The following SLFN12L variants were observed in gnomAD, a reference collection of about 807,000 sequenced individuals.
The protein encoded by SLFN12L is schlafen family member 12-like.
SLFN12L carries 34 observed loss-of-function variants against 34.8 expected under a neutral mutation model. That is an observed-to-expected ratio of 0.98 (90% CI 0.74 to 1.30). The LOEUF is 1.30. SLFN12L is among the 50% of genes most tolerant of loss of function. The pLI is 0.00. For missense variants in SLFN12L, 703 were observed against 696.2 expected, an observed-to-expected ratio of 1.01 and a Z score of -0.11; for synonymous variants, 259 against 247.5, an observed-to-expected ratio of 1.05 and a Z score of -0.44.
rs1202825881 is a variant in SLFN12L, at chr17:35,473,291, C to A, written c.*1632G>T. ...AGTATGATATTGGCTGTGGGTTTGT[C>A]ATGAATAGCTCTTATTGTTTTGAGA... On this transcript the variant is annotated 3_prime_UTR_variant, in exon 5 of 5. Transcript: ENST00000628453. Among the ~76,000 whole-genome samples the A allele has an allele frequency of 6.6e-6, 1 of 152,142 alleles. No homozygotes were observed. Among genetic ancestry groups the A allele is most frequent in the Non-Finnish European group, 1.5e-5 (1 of 68,028 alleles).
At chr17:35,525,623 G>A (rs2072326153) in intron 1 of SLFN12L, among the ~76,000 whole-genome samples, 1 of 152,180 alleles carries the variant, frequency 6.6e-6, no homozygotes, top group East Asian at 1.9e-4. Flanking sequence ...TTTCACAAGT[G>A]AAGGAGAAAT....
intron 2 of SLFN12L, chr17:35,514,718 C>A (rs12450474): frequency 0.56 from 209,770 of 377,342 alleles, 59,666 homozygotes; most frequent in Admixed American, 0.66. Flanking sequence ...CAAGTTAAGA[C>A]TTTTTCAAGT....
At chr17:35,505,105 G>A (rs1915424755) in intron 2 of SLFN12L, among the ~76,000 whole-genome samples, 1 of 152,202 alleles carries the variant, frequency 6.6e-6, no homozygotes, top group African/African-American at 2.4e-5. Context: ...AATAGCTGCA[G>A]GATTTGAGTC....
intron 2 of SLFN12L, among the ~76,000 whole-genome samples, chr17:35,485,274 T>C (rs1198256956): frequency 1.3e-5 from 2 of 152,214 alleles, no homozygotes; most frequent in Admixed American, 1.3e-4. Flanking sequence ...AGCTCTCTGA[T>C]GATTAGTGAT....
chr17:35,504,397 A>C (rs1368572104), intron 2 of SLFN12L, among the ~76,000 whole-genome samples: 1 of 152,244 alleles, frequency 6.6e-6, no homozygotes, highest in Non-Finnish European at 1.5e-5. Flanking sequence ...ATTTTACTAG[A>C]GGATCATAGA....
chr17:35,514,079 G>A (rs1160713239), intron 2 of SLFN12L, among the ~76,000 whole-genome samples: 3 of 152,184 alleles, frequency 2.0e-5, no homozygotes, highest in African/African-American at 4.8e-5. Context: ...CGACTCCCTC[G>A]TTCAATACAT....
rs34620580 is a variant in SLFN12L, at chr17:35,471,213, T to A, written c.*3710A>T. 6.6e-6 allele frequency among the ~76,000 whole-genome samples: 1 copy of A among 150,974 alleles called. No individual in the cohort carries two copies. Among genetic ancestry groups the A allele is most frequent in the African/African-American group, 2.4e-5 (1 of 40,872 alleles). On this transcript the variant is annotated 3_prime_UTR_variant, in exon 5 of 5. Transcript: ENST00000628453. ...GTGCAATGGGGTGATCTTGGCTCAC[T>A]GCAACCTCTGCCTCCCGGGTTCAAG...
intron 2 of SLFN12L, among the ~76,000 whole-genome samples, chr17:35,501,061 T>C (rs1277655779): frequency 2.0e-5 from 3 of 152,218 alleles, no homozygotes; most frequent in Admixed American, 1.3e-4. Flanking sequence ...CTGTGTCTTG[T>C]CCTACTACAT....
At chr17:35,498,365 A>G in intron 2 of SLFN12L, 1 of 1,061,158 alleles carries the variant, frequency 9.4e-7, no homozygotes, top group Non-Finnish European at 1.5e-6. Context: ...CGGTACACAG[A>G]GAATCTCATT....
rs1567635933 is a variant in SLFN12L, at chr17:35,469,327, A to AAAAATATATATATTATAT, written c.*5595_*5596insATATAATATATATATTTT. On this transcript the variant is annotated 3_prime_UTR_variant, in exon 5 of 5. Transcript: ENST00000628453. The stretch of plus-strand genomic sequence containing the variant: ...AAAATATATATATATTATATATATA[A>AAAAATATATATATTATAT]ATATATATATAATATATATATATAT... Among the ~76,000 whole-genome samples the AAAAATATATATATTATAT allele has an allele frequency of 6.0e-4, 61 of 100,846 alleles. No individual in the cohort carries two copies. Among genetic ancestry groups the AAAAATATATATATTATAT allele is most frequent in the Non-Finnish European group, 1.2e-3 (57 of 48,478 alleles). The allele number at this position is 100,846 out of a possible 152,430, so 66.2% of individuals were successfully genotyped here. A position where few individuals can be genotyped will look rare whatever the true frequency, so the allele number is the denominator to read the frequency against.
At chr17:35,521,947 A>G (rs1167874332) in intron 2 of SLFN12L, among the ~76,000 whole-genome samples, 2 of 152,056 alleles carry the variant, frequency 1.3e-5, no homozygotes, top group African/African-American at 4.8e-5. Context: ...GAAAGGGAAC[A>G]TCACACACAC....
intron 1 of SLFN12L, among the ~76,000 whole-genome samples, chr17:35,526,023 G>A (rs1174536139): frequency 2.0e-5 from 3 of 152,098 alleles, no homozygotes; most frequent in Non-Finnish European, 2.9e-5. Context: ...TATTTACCAA[G>A]CAAAGGAAAG....
Position 35,474,875 on chromosome 17 carries a change from G to C in SLFN12L, c.*48C>G, listed in dbSNP as rs1913900239. The C allele has an allele frequency of 6.8e-7, 1 of 1,474,928 alleles. No homozygotes were observed. Among genetic ancestry groups the C allele is most frequent in the Admixed American group, 2.4e-5 (1 of 41,956 alleles). 91.4% of individuals were successfully genotyped at this position (1,474,928 alleles called of 1,614,324 possible). A position where few individuals can be genotyped will look rare whatever the true frequency, so the allele number is the denominator to read the frequency against. ...GAACCCAGGAGGCAGAGGTTGCAGTGAGTCGAGATCGTGTCACTACACTCC... is the reference window on the plus strand; with the variant it reads ...GAACCCAGGAGGCAGAGGTTGCAGTCAGTCGAGATCGTGTCACTACACTCC... On this transcript the variant is annotated 3_prime_UTR_variant, in exon 5 of 5. Coordinates refer to ENST00000628453, the MANE Select transcript of SLFN12L (RefSeq NM_001363830.2).
At chr17:35,484,524 T>A (rs1043639642) in intron 2 of SLFN12L, among the ~76,000 whole-genome samples, 1 of 152,108 alleles carries the variant, frequency 6.6e-6, no homozygotes, top group African/African-American at 2.4e-5. Flanking sequence ...GCACCAGCAG[T>A]GTCATCCTGG....
chr17:35,482,438 A>G (rs1914380662), intron 2 of SLFN12L, among the ~76,000 whole-genome samples: 1 of 152,178 alleles, frequency 6.6e-6, no homozygotes, highest in Non-Finnish European at 1.5e-5. Context: ...GCCTCTTCCA[A>G]GTTGGGACGT....
intron 2 of SLFN12L, among the ~76,000 whole-genome samples, chr17:35,515,752 T>C (rs571452441): frequency 3.4e-5 from 5 of 149,084 alleles, no homozygotes; most frequent in South Asian, 2.1e-4. Context: ...CAAGCGATTC[T>C]CCTGACCCAG....
rs756766722 is a variant in SLFN12L at position 35,468,430 on chromosome 17, C to T, written c.*6493G>A. 6.6e-5 allele frequency among the ~76,000 whole-genome samples: 10 copies of T among 152,160 alleles called. No individual in the cohort carries two copies. The highest frequency in any genetic ancestry group is 2.2e-4 in the African/African-American group (9 of 41,440). On this transcript the variant is annotated 3_prime_UTR_variant, in exon 5 of 5. Coordinates refer to ENST00000628453, the MANE Select transcript of SLFN12L (RefSeq NM_001363830.2). The stretch of plus-strand genomic sequence containing the variant: ...GAGATTATGCTGCCTCAGATGACAT[C>T]GATCCAGCTTACCGTCAGAGATGAA...
chr17:35,502,416 G>GAAAAAAAAAAAAAAA (rs1161388791), intron 2 of SLFN12L, among the ~76,000 whole-genome samples: 1 of 25,250 alleles, frequency 4.0e-5, no homozygotes, highest in African/African-American at 1.2e-4. Context: ...GTATCCTAAG[G>GAAAAAAAAAAAAAAA]AAAAAAAAAA....
chr17:35,493,221 G>T (rs947139544), intron 2 of SLFN12L, among the ~76,000 whole-genome samples: 1 of 152,298 alleles, frequency 6.6e-6, no homozygotes, highest in African/African-American at 2.4e-5. Flanking sequence ...ATGTCAGTGT[G>T]GTCCTAGAGG....
Sources: gnomAD v4.1 joint callset for allele counts (sites outside exome capture counted in the v4.1 genomes callset) on GRCh38, gnomAD v4.1.1 for gene constraint, MANE v1.5 for transcripts, NCBI Gene and HGNC (gene_info 2026-07-23, HGNC 2026-07-21) for gene names.